The following PCDHA13 variants were observed in gnomAD, a reference collection of about 807,000 sequenced individuals.
PCDHA13 encodes the protein protocadherin alpha-13.
PCDHA13 carries 54 observed loss-of-function variants against 64.8 expected under a neutral mutation model. The observed-to-expected ratio is 0.83, with a 90% CI of 0.67 to 1.04. The LOEUF (loss-of-function observed/expected upper bound fraction) is 1.04, where lower values mean the gene tolerates loss of function less well. Ranked by LOEUF, PCDHA13 falls within the 50% of genes least tolerant of loss-of-function variation. PCDHA13 has a pLI of 0.00. For synonymous variants in PCDHA13, 587 were observed against 564.4 expected (o/e 1.04, Z -0.57); for missense variants, 1,248 against 1,254.3 (o/e 0.99, Z 0.08).
intron 3 of PCDHA13, among the ~76,000 whole-genome samples, chr5:141,000,412 TA>T (rs2097919630): frequency 4.9e-5 from 5 of 102,770 alleles, no homozygotes; most frequent in Non-Finnish European, 5.8e-5. Context: ...TATATATATA[TA>T]TATATATATT....
intron 1 of PCDHA13, chr5:140,966,926 C>G (rs782811757): frequency 1.9e-6 from 3 of 1,603,462 alleles, no homozygotes; most frequent in Admixed American, 1.7e-5. Flanking sequence ...GGAGCAGGCA[C>G]CCGGCGCGCT....
intron 1 of PCDHA13, among the ~76,000 whole-genome samples, chr5:140,940,877 T>G (rs2092697297): frequency 2.0e-5 from 3 of 152,378 alleles, no homozygotes; most frequent in East Asian, 3.9e-4. Flanking sequence ...GAGTGAATAC[T>G]ACTGCTAGTA....
chr5:140,982,089 C>A (rs2096965506), intron 2 of PCDHA13, among the ~76,000 whole-genome samples: 1 of 152,220 alleles, frequency 6.6e-6, no homozygotes, highest in Non-Finnish European at 1.5e-5. Context: ...AACCTAGGAA[C>A]AAGAGAACCT....
rs2098422979 is a variant in PCDHA13, at chr5:141,012,116, T to C, written c.*2179T>C. The C allele has an allele frequency of 6.5e-6, 1 of 153,756 alleles. No individual in the cohort carries two copies. Among genetic ancestry groups the C allele is most frequent in the African/African-American group, 2.4e-5 (1 of 41,464 alleles). The allele number at this position is 153,756 out of a possible 1,614,324, so 9.5% of individuals were successfully genotyped here. ...GATCATTTTGCCCCACTGAAGCCCA[T>C]GTATCTGACCTTACGTGCCTTTTGA... On this transcript the variant is annotated 3_prime_UTR_variant, in exon 4 of 4. Coordinates refer to ENST00000289272, the MANE Select transcript of PCDHA13 (RefSeq NM_018904.3).
At chr5:140,968,252 C>A (rs201156874) in intron 1 of PCDHA13, 7 of 1,613,948 alleles carry the variant, frequency 4.3e-6, no homozygotes, top group Non-Finnish European at 8.5e-7. Context: ...AGCCACAGAC[C>A]CAGATGAAAA....
chr5:140,961,435 C>T (rs1554225413), intron 1 of PCDHA13, among the ~76,000 whole-genome samples: 1 of 152,174 alleles, frequency 6.6e-6, no homozygotes, highest in Non-Finnish European at 1.5e-5. Flanking sequence ...TACAAAATCA[C>T]CTAACTACAC....
chr5:140,980,562 G>A (rs944389305), intron 2 of PCDHA13, among the ~76,000 whole-genome samples: 2 of 152,048 alleles, frequency 1.3e-5, no homozygotes, highest in Non-Finnish European at 2.9e-5. Context: ...CCCGGGAGGC[G>A]GAAGTTGCAG....
chr5:140,941,874 A>C (rs1554214738), intron 1 of PCDHA13, among the ~76,000 whole-genome samples: 1 of 152,222 alleles, frequency 6.6e-6, no homozygotes, highest in African/African-American at 2.4e-5. Context: ...GAGTTCTATC[A>C]CCAGTGACTA....
At chr5:140,903,500 G>A (rs553764100) in intron 1 of PCDHA13, among the ~76,000 whole-genome samples, 1 of 152,184 alleles carries the variant, frequency 6.6e-6, no homozygotes, top group African/African-American at 2.4e-5. Flanking sequence ...AGGTACCATA[G>A]ATAATAGTTC....
In PCDHA13 at chr5:140,961,268, T is replaced by C. The variant is rs116524101; in HGVS notation, c.2395-17681T>C. Reference sequence around the variant, plus strand: ...TATCCGAAGCTCCAGGAAGCTTCTTTTTACCATGGCTCTGTTTCTTGAGGT... The same window carrying C: ...TATCCGAAGCTCCAGGAAGCTTCTTCTTACCATGGCTCTGTTTCTTGAGGT... On this transcript the variant is annotated intron_variant, in intron 1 of 3. Coordinates refer to ENST00000289272, the MANE Select transcript of PCDHA13 (RefSeq NM_018904.3). Among the ~76,000 whole-genome samples the C allele has an allele frequency of 5.5e-3, 833 of 152,318 alleles. 9 individuals carry two copies. The highest frequency in any genetic ancestry group is 0.019 in the African/African-American group (777 of 41,562).
intron 1 of PCDHA13, among the ~76,000 whole-genome samples, chr5:140,895,223 G>A (rs782692616): frequency 4.0e-4 from 61 of 152,232 alleles, no homozygotes; most frequent in Admixed American, 2.6e-4. Flanking sequence ...ATATTTTACT[G>A]AGTTTTCTCA....
In PCDHA13 at chr5:140,903,129, A is replaced by C. The variant is rs184256724; in HGVS notation, c.2394+18467A>C. On this transcript the variant is annotated intron_variant, in intron 1 of 3. Coordinates refer to ENST00000289272, the MANE Select transcript of PCDHA13 (RefSeq NM_018904.3). ...TAGCTCTACTTCTAAATCTTTAAGA[A>C]ATCTCCAAACTGTTTTCCATAGTGG... Among the ~76,000 whole-genome samples the C allele has an allele frequency of 2.8e-3, 421 of 152,322 alleles. 2 individuals carry two copies. Among genetic ancestry groups the C allele is most frequent in the Middle Eastern group, 0.014 (4 of 294 alleles).
At chr5:140,966,806 C>T in intron 1 of PCDHA13, 1 of 1,546,832 alleles carries the variant, frequency 6.5e-7, no homozygotes, top group Non-Finnish European at 8.7e-7. Context: ...GACAGAGCAT[C>T]CACGGCTCCG....
At chr5:140,941,651 T>C (rs2093139674) in intron 1 of PCDHA13, among the ~76,000 whole-genome samples, 3 of 152,120 alleles carry the variant, frequency 2.0e-5, no homozygotes, top group Admixed American at 6.6e-5. Context: ...CTACAACTTA[T>C]GTCCAATTTT....
intron 1 of PCDHA13, among the ~76,000 whole-genome samples, chr5:140,971,037 TA>T (rs2096453416): frequency 1.3e-5 from 2 of 152,200 alleles, no homozygotes; most frequent in Admixed American, 6.5e-5. Context: ...TGAAAGCACG[TA>T]AAAGGGTTTA....
chr5:140,954,390 C>A (rs2095030202), intron 1 of PCDHA13, among the ~76,000 whole-genome samples: 1 of 152,204 alleles, frequency 6.6e-6, no homozygotes, highest in South Asian at 2.1e-4. Context: ...AACTAATTTA[C>A]AACCCCACCA....
rs782270666 is a variant in PCDHA13, at chr5:140,884,372, A to G, written c.2104A>G (p.Ile702Val). The part of the protein sequence containing the change: ...ALVDVNVYLI[I>V]AICAVSSLLV... ...GGTGGATGTCAATGTTTACTTGATC[A>G]TTGCCATCTGCGCGGTGTCCAGCCT... Residue 702 changes from isoleucine to valine, a missense_variant, in exon 1 of 4, where the codon ATT becomes GTT. Physicochemically the swap from Ile to Val is conservative, Grantham distance 29. Coordinates refer to ENST00000289272, the MANE Select transcript of PCDHA13 (RefSeq NM_018904.3). 6 of 1,613,806 alleles carry G rather than the reference A, an allele frequency of 3.7e-6. No homozygotes were observed. Among genetic ancestry groups the G allele is most frequent in the Non-Finnish European group, 5.1e-6 (6 of 1,179,874 alleles).
chr5:140,891,481 C>G (rs2063126797), intron 1 of PCDHA13, among the ~76,000 whole-genome samples: 1 of 151,620 alleles, frequency 6.6e-6, no homozygotes, highest in Admixed American at 6.6e-5. Context: ...CTTTACATCA[C>G]TTTGAGCATA....
At chr5:140,963,237 G>A (rs782735845) in intron 1 of PCDHA13, among the ~76,000 whole-genome samples, 50 of 152,136 alleles carry the variant, frequency 3.3e-4, no homozygotes, top group Non-Finnish European at 6.2e-4. Flanking sequence ...CTGTTTGATG[G>A]ATTAGGTAGG....
Sources: allele counts gnomAD v4.1 joint callset (sites outside exome capture counted in the v4.1 genomes callset), GRCh38; gene constraint gnomAD v4.1.1; transcripts MANE v1.5; gene names NCBI Gene and HGNC (gene_info 2026-07-23, HGNC 2026-07-21).